RARB: variants seen among roughly 807,000 people sequenced by gnomAD.
RARB encodes the protein retinoic acid receptor beta.
RARB carries 17 observed loss-of-function variants against 51.9 expected under a neutral mutation model. The observed-to-expected ratio is 0.33, with a 90% confidence interval of 0.22 to 0.49. The LOEUF is 0.49. Ranked by LOEUF, RARB falls within the 20% of genes least tolerant of loss-of-function variation. RARB has a pLI of 0.99. For synonymous variants in RARB, 215 were observed against 195.4 expected (o/e 1.10, Z -0.84); for missense variants, 369 against 550.8 (o/e 0.67, Z 3.30).
chr3:25,197,380 G>A (rs1191289660), intron 5 of RARB, among the ~76,000 whole-genome samples: 3 of 152,054 alleles, frequency 2.0e-5, no homozygotes, highest in African/African-American at 7.2e-5. Context: ...GGTTGTAGAT[G>A]TGTGGTGTTA....
intron 2 of RARB, among the ~76,000 whole-genome samples, chr3:25,027,216 A>T (rs952565196): frequency 1.1e-5 from 1 of 91,558 alleles, no homozygotes; most frequent in Non-Finnish European, 2.4e-5. Flanking sequence ...AAACAGGAAG[A>T]ATCCAAAATT....
chr3:24,914,156 C>G (rs1283902622), intron 2 of RARB, among the ~76,000 whole-genome samples: 1 of 152,160 alleles, frequency 6.6e-6, no homozygotes, highest in Non-Finnish European at 1.5e-5. Flanking sequence ...CTTCTATATG[C>G]TCCAACATGT....
At chr3:25,099,809 A>G (rs1699365349) in intron 3 of RARB, among the ~76,000 whole-genome samples, 1 of 152,128 alleles carries the variant, frequency 6.6e-6, no homozygotes, top group South Asian at 2.1e-4. Context: ...GTACTTTTAC[A>G]GAGCTTGGCT....
chr3:25,461,952 T>G (rs1038867919), intron 2 of RARB, among the ~76,000 whole-genome samples: 2 of 152,234 alleles, frequency 1.3e-5, no homozygotes, highest in African/African-American at 4.8e-5. Flanking sequence ...AGCATCGTTC[T>G]TTTTCTCTTT....
chr3:25,316,711 G>A (rs1483839), intron 5 of RARB, among the ~76,000 whole-genome samples: 5,957 of 152,246 alleles, frequency 0.039, 162 homozygotes, highest in Middle Eastern at 0.061. Flanking sequence ...AGGAAAAGAC[G>A]TAGCAGTATA....
intron 2 of RARB, among the ~76,000 whole-genome samples, chr3:24,999,726 C>G (rs1300706463): frequency 6.6e-6 from 1 of 152,130 alleles, no homozygotes; most frequent in Non-Finnish European, 1.5e-5. Context: ...CTTAATTCTT[C>G]CCTGTAGCCA....
At chr3:24,949,035 G>C (rs1054710285) in intron 2 of RARB, among the ~76,000 whole-genome samples, 1 of 152,118 alleles carries the variant, frequency 6.6e-6, no homozygotes, top group African/African-American at 2.4e-5. Flanking sequence ...TCTACTGCAG[G>C]GCAAGGTCAA....
At chr3:25,388,719 A>G (rs1237080180) in intron 5 of RARB, among the ~76,000 whole-genome samples, 4 of 152,202 alleles carry the variant, frequency 2.6e-5, no homozygotes, top group Non-Finnish European at 5.9e-5. Flanking sequence ...GTTTAACTGT[A>G]CAAGGGAAGC....
chr3:25,381,535 G>A (rs760887187), intron 5 of RARB, among the ~76,000 whole-genome samples: 1 of 152,224 alleles, frequency 6.6e-6, no homozygotes, highest in Non-Finnish European at 1.5e-5. Flanking sequence ...ACAGTGCCTA[G>A]AACACAGTAA....
intron 1 of RARB, among the ~76,000 whole-genome samples, chr3:24,834,874 A>C (rs909404147): frequency 6.6e-6 from 1 of 152,160 alleles, no homozygotes; most frequent in African/African-American, 2.4e-5. Flanking sequence ...CTGTAGAACC[A>C]GTCTCATAGT....
intron 2 of RARB, among the ~76,000 whole-genome samples, chr3:25,001,183 T>C (rs1697151159): frequency 6.6e-6 from 1 of 152,122 alleles, no homozygotes; most frequent in Non-Finnish European, 1.5e-5. Flanking sequence ...ACAGTTTTTC[T>C]ACTAACACTG....
intron 3 of RARB, among the ~76,000 whole-genome samples, chr3:25,126,103 A>C (rs1209900249): frequency 6.6e-6 from 1 of 152,180 alleles, no homozygotes; most frequent in Non-Finnish European, 1.5e-5. Flanking sequence ...TTGCTGCTCT[A>C]GTGTGTGTGA....
intron 2 of RARB, among the ~76,000 whole-genome samples, chr3:25,482,373 A>C (rs1156410672): frequency 1.3e-5 from 2 of 152,158 alleles, no homozygotes; most frequent in Admixed American, 6.5e-5. Flanking sequence ...TTGAAAAATA[A>C]TCATTTTGGT....
chr3:24,983,181 T>C (rs1182703636), intron 2 of RARB, among the ~76,000 whole-genome samples: 2 of 152,166 alleles, frequency 1.3e-5, no homozygotes, highest in African/African-American at 4.8e-5. Context: ...CCTGGTGATA[T>C]TGCAACATAG....
At chr3:24,892,059 T>TG in intron 2 of RARB, among the ~76,000 whole-genome samples, 1 of 152,076 alleles carries the variant, frequency 6.6e-6, no homozygotes, top group African/African-American at 2.4e-5. Flanking sequence ...GAATAACCTA[T>TG]GGGGAGACAG....
chr3:24,901,383 C>CTA (rs1418936571), intron 2 of RARB, among the ~76,000 whole-genome samples: 1 of 152,080 alleles, frequency 6.6e-6, no homozygotes, highest in Non-Finnish European at 1.5e-5. Flanking sequence ...AACCCCAAAC[C>CTA]TATATGGATT....
intron 1 of RARB, among the ~76,000 whole-genome samples, chr3:25,435,867 A>G (rs542788656): frequency 9.3e-4 from 142 of 152,322 alleles, no homozygotes; most frequent in African/African-American, 3.3e-3. Context: ...TTTTAATTAT[A>G]TATACATTAT....
At chr3:24,980,457 CTTTA>C (rs1393476637) in intron 2 of RARB, among the ~76,000 whole-genome samples, 5 of 152,140 alleles carry the variant, frequency 3.3e-5, no homozygotes, top group African/African-American at 4.8e-5. Context: ...TTCTTGGAGG[CTTTA>C]TTTGTTTCTC....
At chr3:24,944,109 T>A (rs1156559712) in intron 2 of RARB, among the ~76,000 whole-genome samples, 1 of 152,200 alleles carries the variant, frequency 6.6e-6, no homozygotes, top group Non-Finnish European at 1.5e-5. Context: ...GTCTGACTCA[T>A]CCTCTTTACT....
Sources: allele counts gnomAD v4.1 joint callset (sites outside exome capture counted in the v4.1 genomes callset), GRCh38; gene constraint gnomAD v4.1.1; transcripts MANE v1.5; gene names NCBI Gene and HGNC (gene_info 2026-07-23, HGNC 2026-07-21).